Variants in SPAG9 observed in about 807,000 individuals in gnomAD.
SPAG9 encodes the protein sperm associated antigen 9, also known as C-Jun-amino-terminal kinase-interacting protein 4.
A neutral mutation model predicts 166.5 loss-of-function variants in SPAG9; 35 were observed. That is an observed-to-expected ratio of 0.21 (90% CI 0.16 to 0.28). The LOEUF (loss-of-function observed/expected upper bound fraction) is 0.28, where lower values mean the gene tolerates loss of function less well. SPAG9 is among the 10% of genes least tolerant of loss of function. SPAG9 has a pLI of 1.00. For synonymous variants in SPAG9, 534 were observed against 565.5 expected, an observed-to-expected ratio of 0.94 and a Z score of 0.79; for missense variants, 1,235 against 1,603.3, an observed-to-expected ratio of 0.77 and a Z score of 3.92.
intron 8 of SPAG9, among the ~76,000 whole-genome samples, chr17:51,018,536 TTTTTG>T (rs1434030342): frequency 1.3e-5 from 2 of 152,132 alleles, no homozygotes; most frequent in East Asian, 1.9e-4. Context: ...TGTTCAAACT[TTTTTG>T]TTTTGTTTTT....
chr17:50,979,954 T>C (rs369235482), intron 25 of SPAG9, 37 bp from the exon 26 acceptor site: 23 of 1,591,088 alleles, frequency 1.4e-5, no homozygotes, highest in Non-Finnish European at 1.6e-5. Flanking sequence ...TTACTTTTGC[T>C]ACATAGAATT....
intron 1 of SPAG9, among the ~76,000 whole-genome samples, chr17:51,107,371 GA>G (rs1194980022): frequency 6.6e-6 from 1 of 151,260 alleles, no homozygotes; most frequent in Non-Finnish European, 1.5e-5. Context: ...AACATAGTCT[GA>G]CCCCCATCCC....
chr17:51,022,865 A>C (rs759590215), intron 6 of SPAG9, among the ~76,000 whole-genome samples: 1 of 150,578 alleles, frequency 6.6e-6, no homozygotes, highest in Non-Finnish European at 1.5e-5. Flanking sequence ...CAGGAGAAAC[A>C]CTTGAACCCG....
rs1358169642 is a variant in SPAG9 at position 50,974,758 on chromosome 17, T to C, written c.3700+13A>G. 3 of 1,586,200 alleles carry C rather than the reference T, an allele frequency of 1.9e-6. No homozygotes were observed. The highest frequency in any genetic ancestry group is 1.7e-4 in the Middle Eastern group (1 of 5,960). On this transcript the variant is annotated intron_variant, in intron 28 of 29. Coordinates refer to ENST00000262013, the MANE Select transcript of SPAG9 (RefSeq NM_001130528.3). ...AATTACATGGAACATCTCAACAGAA[T>C]AATCTAACATACCTGGGACTGCCAC...
Position 50,998,633 on chromosome 17 carries a change from ATGTC to A in SPAG9, c.1665-20_1665-17del. The A allele has an allele frequency of 6.2e-7, 1 of 1,612,170 alleles. No individual in the cohort carries two copies. Among genetic ancestry groups the A allele is most frequent in the South Asian group, 1.1e-5 (1 of 91,018 alleles). On this transcript the variant is annotated splice_polypyrimidine_tract_variant and intron_variant, in intron 14 of 29. Coordinates refer to ENST00000262013, the MANE Select transcript of SPAG9 (RefSeq NM_001130528.3). The stretch of plus-strand genomic sequence containing the variant: ...TCGGCTGAAACTAAAAGAAGACAGT[ATGTC>A]TGTGTGTCACATGTACTATGAGAAA...
At chr17:51,106,213 G>T (rs575463155) in intron 1 of SPAG9, among the ~76,000 whole-genome samples, 2 of 151,176 alleles carry the variant, frequency 1.3e-5, no homozygotes, top group African/African-American at 2.4e-5. Flanking sequence ...TGAGGCAAAA[G>T]AATCACTTGA....
chr17:50,984,538 T>C lies in SPAG9; in HGVS notation c.3088+385A>G, dbSNP rs975806282. 9.2e-5 allele frequency among the ~76,000 whole-genome samples: 14 copies of C among 152,054 alleles called. No individual in the cohort carries two copies. The South Asian group carries it at 2.9e-3, about 32-fold the overall frequency. The stretch of plus-strand genomic sequence containing the variant: ...TGTCTCTACTGAAAATACAAAAAAA[T>C]TAGCTGGTCGTGGTGGCAGGCGCCT... On this transcript the variant is annotated intron_variant, in intron 24 of 29. Coordinates refer to ENST00000262013, the MANE Select transcript of SPAG9 (RefSeq NM_001130528.3).
At position 51,079,568 on chromosome 17, in the gene SPAG9, G is replaced by A. The variant is rs528004306; in HGVS notation, c.424+16C>T. On this transcript the variant is annotated intron_variant, in intron 2 of 29. Coordinates refer to ENST00000262013, the MANE Select transcript of SPAG9 (RefSeq NM_001130528.3). ...CCAATCTTTAGTGTACTTATGAGAA[G>A]AAATGTTTTACTTACTCTGGTCAGC... 3 of 1,610,892 alleles carry A rather than the reference G, an allele frequency of 1.9e-6. No individual in the cohort carries two copies. In the African/African-American group the frequency reaches 4.0e-5, roughly 22 times the overall value.
chr17:51,051,445 T>G (rs1485795218), intron 3 of SPAG9, among the ~76,000 whole-genome samples: 1 of 151,904 alleles, frequency 6.6e-6, no homozygotes, highest in Non-Finnish European at 1.5e-5. Context: ...GGAGACTGGG[T>G]GCTGTGGCTC....
At chr17:51,066,533 C>G (rs1364612984) in intron 2 of SPAG9, among the ~76,000 whole-genome samples, 1 of 118,110 alleles carries the variant, frequency 8.5e-6, no homozygotes, top group East Asian at 2.5e-4. Context: ...CCAGGCTGGG[C>G]GACAGAGTGA....
intron 1 of SPAG9, among the ~76,000 whole-genome samples, chr17:51,082,899 T>C (rs1010847492): frequency 1.3e-5 from 2 of 152,152 alleles, no homozygotes; most frequent in African/African-American, 2.4e-5. Context: ...TCCATGTAAT[T>C]TGATTGGTGA....
chr17:51,062,593 T>C (rs1000054564), intron 2 of SPAG9, among the ~76,000 whole-genome samples: 6 of 152,210 alleles, frequency 3.9e-5, no homozygotes, highest in Non-Finnish European at 8.8e-5. Context: ...TCCATATCTT[T>C]TTTTTGTTTG....
rs1177100740 is a variant in SPAG9, at chr17:51,120,612, G to A, written c.45C>T (p.Gly15=). 7 of 1,612,222 alleles carry A rather than the reference G, an allele frequency of 4.3e-6. No individual in the cohort carries two copies. The highest frequency in any genetic ancestry group is 5.9e-6 in the Non-Finnish European group (7 of 1,179,444). ...CCCGCTCCGACATCACGGCCCCGGA[G>A]CCGCCGGGCTCCTCCTGATACACCA... ...DGVVYQEEPG[G]SGAVMSERVS... is the part of the protein sequence containing the mutation. Residue 15 remains glycine (G), a synonymous_variant, in exon 1 of 30, where the codon GGC becomes GGT. Transcript: ENST00000262013. This position sits in a 1 kb window ranked among gnomAD's most constrained non-coding sequence, Gnocchi z 4.7.
chr17:51,120,007 T>A lies in SPAG9; in HGVS notation c.303+347A>T, dbSNP rs887819692. 3.9e-5 allele frequency among the ~76,000 whole-genome samples: 6 copies of A among 152,262 alleles called. No individual in the cohort carries two copies. In the South Asian group the frequency reaches 1.2e-3, roughly 32 times the overall value. On this transcript the variant is annotated intron_variant, in intron 1 of 29. Coordinates refer to ENST00000262013, the MANE Select transcript of SPAG9 (RefSeq NM_001130528.3). The surrounding 1 kb of genome is among the most constrained non-coding windows in gnomAD (Gnocchi z 4.7). ...AAAACTTTGAACCGCCATCTGACTA[T>A]CCCACGGTGGTCGGAAACTTCCCTC...
chr17:51,033,760 C>G lies in SPAG9; in HGVS notation c.742-2038G>C, dbSNP rs537834245. On this transcript the variant is annotated intron_variant, in intron 5 of 29. Transcript: ENST00000262013. ...TTCTAGTACATGGCATTGTGCCTAACACAGTGAGCATCAATAAATTTTTTT... is the reference window on the plus strand; with the variant it reads ...TTCTAGTACATGGCATTGTGCCTAAGACAGTGAGCATCAATAAATTTTTTT... Among the ~76,000 whole-genome samples the G allele has an allele frequency of 2.1e-3, 318 of 152,314 alleles. 2 individuals carry two copies. The highest frequency in any genetic ancestry group is 3.7e-3 in the Admixed American group (56 of 15,288).
chr17:51,088,145 T>C (rs1036263818), intron 1 of SPAG9, among the ~76,000 whole-genome samples: 2 of 152,098 alleles, frequency 1.3e-5, no homozygotes, highest in Admixed American at 6.6e-5. Context: ...ATAACAAAAA[T>C]AGGAAACATC....
At chr17:50,995,877 C>T (rs906148750) in intron 16 of SPAG9, 18 of 189,450 alleles carry the variant, frequency 9.5e-5, no homozygotes, top group Admixed American at 6.4e-4. Flanking sequence ...GTTGCCTAGG[C>T]TGGTCTCAAA....
Position 50,966,249 on chromosome 17 carries a change from A to T in SPAG9, c.*23T>A, listed in dbSNP as rs537149190. 5.0e-5 allele frequency: 69 copies of T among 1,385,818 alleles called. No homozygotes were observed. The highest frequency in any genetic ancestry group is 7.0e-5 in the Non-Finnish European group (68 of 972,202). The allele number at this position is 1,385,818 out of a possible 1,614,324, so 85.8% of individuals were successfully genotyped here. A position where few individuals can be genotyped will look rare whatever the true frequency, so the allele number is the denominator to read the frequency against. ...ACCATGCAGAAGAGACGGCTTCCCC[A>T]TCTCCACCTGTTTCCCATGGGCTCA... On this transcript the variant is annotated 3_prime_UTR_variant, in exon 30 of 30. Transcript: ENST00000262013.
intron 12 of SPAG9, 47 bp from the exon 13 acceptor site, chr17:51,001,892 TC>T (rs767943305): frequency 6.4e-7 from 1 of 1,571,252 alleles, no homozygotes; most frequent in Non-Finnish European, 8.7e-7. Context: ...CTTATAAATG[TC>T]TTGGTGTTCA....
Sources: gnomAD v4.1 joint callset for allele counts (sites outside exome capture counted in the v4.1 genomes callset) on GRCh38, gnomAD v4.1.1 for gene constraint, Gnocchi (gnomAD v3.1) non-coding constraint, MANE v1.5 for transcripts, NCBI Gene and HGNC (gene_info 2026-07-23, HGNC 2026-07-21) for gene names.